The following LPIN1 variants were observed in gnomAD, a reference collection of about 807,000 sequenced individuals.
LPIN1 encodes phosphatidate phosphatase LPIN1.
LPIN1 carries 71 observed loss-of-function variants against 107.5 expected under a neutral mutation model. That is an observed-to-expected ratio of 0.66 (90% CI 0.55 to 0.80). The LOEUF (loss-of-function observed/expected upper bound fraction) is 0.80. Ranked by LOEUF, LPIN1 falls within the 30% of genes least tolerant of loss-of-function variation. The pLI is 0.00. For missense variants in LPIN1, 1,043 were observed against 1,160.6 expected (o/e 0.90, Z 1.47); for synonymous variants, 445 against 452.6 (o/e 0.98, Z 0.21).
intron 17 of LPIN1, among the ~76,000 whole-genome samples, chr2:11,809,556 A>G (rs1013366221): frequency 6.6e-6 from 1 of 152,174 alleles, no homozygotes; most frequent in African/African-American, 2.4e-5. Context: ...AGCTGGGATT[A>G]CAGGCATGTG....
chr2:11,700,270 G>A (rs190586821), intron 1 of LPIN1, among the ~76,000 whole-genome samples: 2 of 152,284 alleles, frequency 1.3e-5, no homozygotes, highest in South Asian at 2.1e-4. Flanking sequence ...CAGAAACATA[G>A]CTTTGCATCC....
At chr2:11,775,279 G>A (rs1332207132) in intron 5 of LPIN1, among the ~76,000 whole-genome samples, 1 of 152,206 alleles carries the variant, frequency 6.6e-6, no homozygotes, top group African/African-American at 2.4e-5. Flanking sequence ...TAAAATAGTG[G>A]AGGGAAAAAT....
chr2:11,799,864 GC>G (rs964208768), intron 14 of LPIN1, among the ~76,000 whole-genome samples: 9 of 152,160 alleles, frequency 5.9e-5, no homozygotes, highest in Non-Finnish European at 1.2e-4. Flanking sequence ...GTTACCATGG[GC>G]TGGAAACCTG....
At chr2:11,749,167 C>A (rs1351167841) in intron 1 of LPIN1, among the ~76,000 whole-genome samples, 1 of 152,150 alleles carries the variant, frequency 6.6e-6, no homozygotes, top group African/African-American at 2.4e-5. Flanking sequence ...CCAAGCAAAG[C>A]CGTTCAGTGA....
intron 1 of LPIN1, among the ~76,000 whole-genome samples, chr2:11,705,823 G>A (rs7574891): frequency 0.13 from 20,216 of 152,102 alleles, 1,538 homozygotes; most frequent in East Asian, 0.3. Context: ...TTATATAATG[G>A]CTTTAATCAT....
In LPIN1 at chr2:11,827,370, T is replaced by C. The variant is rs563861546; in HGVS notation, c.*2579T>C. 6 of 152,254 alleles carry C rather than the reference T, an allele frequency of 3.9e-5. No homozygotes were observed. In the South Asian group the frequency reaches 6.2e-4, roughly 16 times the overall value. The allele number at this position is 152,254 out of a possible 1,614,324, so 9.4% of individuals were successfully genotyped here. A position where few individuals can be genotyped will look rare whatever the true frequency, so the allele number is the denominator to read the frequency against. On this transcript the variant is annotated 3_prime_UTR_variant, in exon 21 of 21. Transcript: ENST00000674199. This position sits in a 1 kb window ranked among gnomAD's most constrained non-coding sequence, Gnocchi z 4.1. ...TTGTACTGGATGCAAAGCTAGAAAA[T>C]ATTGCAATAAATGAGACCGATGAAA...
Position 11,771,589 on chromosome 2 carries a change from G to A in LPIN1, c.506G>A (p.Arg169Lys), listed in dbSNP as rs757303423. 1 of 1,613,004 alleles carries A rather than the reference G, an allele frequency of 6.2e-7. No homozygotes were observed. The change falls in exon 4 of 21, where the codon AGA becomes AAA. Residue 169 changes from arginine to lysine, a missense_variant. Physicochemically the swap from Arg to Lys is conservative, Grantham distance 26 (BLOSUM62 2). Coordinates refer to ENST00000674199, the MANE Select transcript of LPIN1 (RefSeq NM_001349206.2). The surrounding 1 kb of genome is among the most constrained non-coding windows in gnomAD (Gnocchi z 4.8). The stretch of plus-strand genomic sequence containing the variant: ...AAGTCACAGCTGGACAGCCTGAAGA[G>A]AGATGACAACATGAACACATCTGAG... ...RRKSQLDSLKRDDNMNTSEDE... is the reference protein window; with the variant it reads ...RRKSQLDSLKKDDNMNTSEDE...
intron 14 of LPIN1, among the ~76,000 whole-genome samples, chr2:11,796,190 C>T (rs1332899898): frequency 6.6e-6 from 1 of 152,228 alleles, no homozygotes; most frequent in African/African-American, 2.4e-5. Context: ...ATTTAGCAGA[C>T]AGAAAGTGCT....
At chr2:11,740,114 G>A (rs182986801) in intron 1 of LPIN1, among the ~76,000 whole-genome samples, 15 of 152,276 alleles carry the variant, frequency 9.9e-5, no homozygotes, top group Admixed American at 7.8e-4. Flanking sequence ...GGAGTCCGAC[G>A]GCTGGAGACC....
chr2:11,765,756 C>G lies in LPIN1; in HGVS notation c.192+23C>G. The G allele has an allele frequency of 6.3e-7, 1 of 1,598,806 alleles. No homozygotes were observed. Among genetic ancestry groups the G allele is most frequent in the South Asian group, 1.1e-5 (1 of 89,986 alleles). ...GTGGTGAGCTCTCAGGGCACGGGGA[C>G]CTGGCACCGGCTCTCCTTAGAGAAT... On this transcript the variant is annotated intron_variant, in intron 2 of 20. Transcript: ENST00000674199. This position sits in a 1 kb window ranked among gnomAD's most constrained non-coding sequence, Gnocchi z 4.4.
At position 11,785,017 on chromosome 2, in the gene LPIN1, TC is replaced by T; in HGVS notation, c.1493del (p.Pro498LeufsTer46). On this transcript the variant is annotated frameshift_variant, in exon 10 of 21. Coordinates refer to ENST00000674199, the MANE Select transcript of LPIN1 (RefSeq NM_001349206.2). LOFTEE classifies it high-confidence loss of function. Reference protein sequence around the residue: ...VESTSDGLRDLPSIAISLCGG... With the variant: ...VESTSDGLRDXPSIAISLCGG... The stretch of plus-strand genomic sequence containing the variant: ...AGCACCTCGGACGGGCTGAGGGACC[TC>T]CCTTCCATCGCCATCTCCCTCTGCG... 4 of 1,609,328 alleles carry T rather than the reference TC, an allele frequency of 2.5e-6. No homozygotes were observed. Among genetic ancestry groups the T allele is most frequent in the Non-Finnish European group, 3.4e-6 (4 of 1,177,024 alleles).
intron 1 of LPIN1, among the ~76,000 whole-genome samples, chr2:11,738,398 AAAG>A (rs1332263831): frequency 4.7e-5 from 7 of 147,820 alleles, no homozygotes; most frequent in South Asian, 2.1e-4. Context: ...AAAAAAAAAA[AAAG>A]AAGAAGAAGA....
At chr2:11,791,072 C>G (rs1177218921) in intron 12 of LPIN1, among the ~76,000 whole-genome samples, 1 of 152,058 alleles carries the variant, frequency 6.6e-6, no homozygotes, top group East Asian at 1.9e-4. Flanking sequence ...TATTTATGAG[C>G]TGGATGTGAG....
At chr2:11,766,120 T>G (rs1670838362) in intron 2 of LPIN1, among the ~76,000 whole-genome samples, 1 of 152,220 alleles carries the variant, frequency 6.6e-6, no homozygotes, top group African/African-American at 2.4e-5. Flanking sequence ...TCGCTGAGGC[T>G]TTGGTCATAC....
At chr2:11,714,765 C>A (rs1663621409) in intron 2 of LPIN1, among the ~76,000 whole-genome samples, 2 of 152,302 alleles carry the variant, frequency 1.3e-5, no homozygotes, top group East Asian at 3.9e-4. Context: ...CTGGTCCAAG[C>A]CTTGTGGCTA....
intron 14 of LPIN1, among the ~76,000 whole-genome samples, chr2:11,797,807 T>TAA (rs144797103): frequency 6.6e-6 from 1 of 152,272 alleles, no homozygotes; most frequent in Non-Finnish European, 1.5e-5. Context: ...AGTTAAGACT[T>TAA]TGGGGGACTG....
chr2:11,789,659 G>A (rs1334907813), intron 12 of LPIN1, among the ~76,000 whole-genome samples: 1 of 152,148 alleles, frequency 6.6e-6, no homozygotes, highest in Non-Finnish European at 1.5e-5. Flanking sequence ...TGTGGACTGG[G>A]CTGAGGGCAT....
At chr2:11,773,426 G>T (rs1480362168) in intron 4 of LPIN1, among the ~76,000 whole-genome samples, 194 bp from the exon 5 acceptor site, 1 of 152,146 alleles carries the variant, frequency 6.6e-6, no homozygotes, top group East Asian at 1.9e-4. Context: ...TTCGGCCAAA[G>T]CATTAGCACA....
Position 11,820,284 on chromosome 2 carries a change from C to T in LPIN1, c.2518-127C>T, listed in dbSNP as rs535036821. ...CCCATCAAAGGATATTCTTTCACTG[C>T]ACCACTTTGAGGTAGAGCTCTGGTT... On this transcript the variant is annotated intron_variant, in intron 19 of 20. Coordinates refer to ENST00000674199, the MANE Select transcript of LPIN1 (RefSeq NM_001349206.2). The T allele has an allele frequency of 4.8e-5, 33 of 689,942 alleles. No homozygotes were observed. In the Middle Eastern group the frequency reaches 1.4e-3, roughly 29 times the overall value. 42.7% of individuals were successfully genotyped at this position (689,942 alleles called of 1,614,324 possible).
Sources: gnomAD v4.1 joint callset for allele counts (sites outside exome capture counted in the v4.1 genomes callset) on GRCh38, gnomAD v4.1.1 for gene constraint, Gnocchi (gnomAD v3.1) non-coding constraint, MANE v1.5 for transcripts, NCBI Gene and HGNC (gene_info 2026-07-23, HGNC 2026-07-21) for gene names.